Variants in GABRG3 observed in about 807,000 individuals in gnomAD.
GABRG3 encodes gamma-aminobutyric acid receptor subunit gamma-3.
In GABRG3, 25 loss-of-function variants were observed where a neutral mutation model predicts 48.8. The observed-to-expected ratio is 0.51, with a 90% CI of 0.37 to 0.72. The LOEUF is 0.72. Ranked by LOEUF, GABRG3 falls within the 30% of genes least tolerant of loss-of-function variation. GABRG3 has a pLI of 0.00. For missense variants in GABRG3, 394 were observed against 577.9 expected (o/e 0.68, Z 3.26); for synonymous variants, 227 against 217.6 (o/e 1.04, Z -0.38).
intron 3 of GABRG3, among the ~76,000 whole-genome samples, chr15:27,156,256 G>A (rs184256400): frequency 3.1e-4 from 40 of 127,314 alleles, no homozygotes; most frequent in African/African-American, 1.1e-3. Context: ...CCGAGTTCAA[G>A]CCACTGCACT....
At chr15:27,160,253 G>A (rs1199388371) in intron 3 of GABRG3, among the ~76,000 whole-genome samples, 1 of 152,132 alleles carries the variant, frequency 6.6e-6, no homozygotes, top group Non-Finnish European at 1.5e-5. Flanking sequence ...TCCACTGCTT[G>A]TGGGTGAGTT....
In GABRG3 at chr15:27,256,253, T is replaced by C. The variant is rs544385728; in HGVS notation, c.271-70556T>C. Among the ~76,000 whole-genome samples, 450 of 151,620 alleles carry C rather than the reference T, an allele frequency of 3.0e-3. 5 individuals carry two copies. Among genetic ancestry groups the C allele is most frequent in the Admixed American group, 7.9e-3 (121 of 15,224 alleles). ...GTCAGGAGATCAAGACCATCCTGGC[T>C]AACATGGTGAAACCCGTCTCTACTA... On this transcript the variant is annotated intron_variant, in intron 3 of 9. Transcript: ENST00000615808.
chr15:27,383,619 C>A (rs1400942197), intron 5 of GABRG3, among the ~76,000 whole-genome samples: 1 of 151,932 alleles, frequency 6.6e-6, no homozygotes, highest in Non-Finnish European at 1.5e-5. Context: ...TCAACAGTGT[C>A]AAGCCAACCG....
intron 5 of GABRG3, among the ~76,000 whole-genome samples, chr15:27,382,749 C>T (rs547992666): frequency 1.4e-4 from 22 of 151,988 alleles, no homozygotes; most frequent in Non-Finnish European, 2.4e-4. Context: ...TGCTATTTGA[C>T]GAGGGACTGA....
chr15:27,450,087 C>T (rs1172101136), intron 5 of GABRG3, among the ~76,000 whole-genome samples: 9 of 152,100 alleles, frequency 5.9e-5, no homozygotes, highest in Non-Finnish European at 2.9e-5. Context: ...AGAAACTGCC[C>T]GCTCCACAAG....
intron 3 of GABRG3, among the ~76,000 whole-genome samples, chr15:27,310,336 A>G (rs920632824): frequency 1.3e-5 from 2 of 152,166 alleles, no homozygotes; most frequent in African/African-American, 2.4e-5. Context: ...GGAAAAAGTT[A>G]ATGTATGATA....
chr15:27,196,091 A>T (rs1213946457), intron 3 of GABRG3, among the ~76,000 whole-genome samples: 1 of 152,172 alleles, frequency 6.6e-6, no homozygotes, highest in Non-Finnish European at 1.5e-5. Context: ...GCATCCCTTC[A>T]GCCCCACTGA....
chr15:27,193,607 C>A (rs1687717809), intron 3 of GABRG3, among the ~76,000 whole-genome samples: 1 of 152,206 alleles, frequency 6.6e-6, no homozygotes, highest in African/African-American at 2.4e-5. Flanking sequence ...ACCCGATTTT[C>A]CAGGTGCTGT....
At chr15:27,195,794 C>A (rs1370005418) in intron 3 of GABRG3, among the ~76,000 whole-genome samples, 2 of 152,152 alleles carry the variant, frequency 1.3e-5, no homozygotes, top group Non-Finnish European at 2.9e-5. Flanking sequence ...ACCACCATGC[C>A]TGGCTAATTT....
chr15:27,228,849 G>A (rs1264720806), intron 3 of GABRG3, among the ~76,000 whole-genome samples: 3 of 152,120 alleles, frequency 2.0e-5, no homozygotes, highest in Non-Finnish European at 4.4e-5. Flanking sequence ...TTTGTTTGCT[G>A]CATGTATGTC....
At chr15:27,192,277 G>T (rs1888340303) in intron 3 of GABRG3, among the ~76,000 whole-genome samples, 1 of 152,134 alleles carries the variant, frequency 6.6e-6, no homozygotes, top group African/African-American at 2.4e-5. Context: ...GGCCTGCCTT[G>T]CTAGATTGGG....
chr15:27,165,828 T>C (rs1887352555), intron 3 of GABRG3, among the ~76,000 whole-genome samples: 1 of 152,086 alleles, frequency 6.6e-6, no homozygotes, highest in East Asian at 1.9e-4. Context: ...GTCATACCTG[T>C]CGCAAAGGAG....
At chr15:26,997,797 A>G (rs1373437009) in intron 2 of GABRG3, among the ~76,000 whole-genome samples, 1 of 152,198 alleles carries the variant, frequency 6.6e-6, no homozygotes, top group African/African-American at 2.4e-5. Flanking sequence ...ATGTTCAGCT[A>G]GGGACTAGTA....
intron 5 of GABRG3, among the ~76,000 whole-genome samples, chr15:27,407,221 C>T (rs748102004): frequency 6.6e-6 from 1 of 152,076 alleles, no homozygotes; most frequent in Non-Finnish European, 1.5e-5. Context: ...CCACCGCGCT[C>T]GGCTCTAAAG....
At chr15:27,047,013 A>G (rs1229338476) in intron 3 of GABRG3, among the ~76,000 whole-genome samples, 3 of 152,198 alleles carry the variant, frequency 2.0e-5, no homozygotes, top group Non-Finnish European at 2.9e-5. Context: ...ATGGTGAAAG[A>G]CGATGTAAGA....
intron 9 of GABRG3, among the ~76,000 whole-genome samples, chr15:27,529,904 A>AAAAG (rs1290551648): frequency 2.0e-5 from 3 of 151,436 alleles, no homozygotes; most frequent in African/African-American, 7.3e-5. Flanking sequence ...AAAAAAAAAA[A>AAAAG]AGAGAAAGTG....
chr15:27,453,291 CACAT>C (rs1200656374), intron 5 of GABRG3, among the ~76,000 whole-genome samples: 1 of 152,150 alleles, frequency 6.6e-6, no homozygotes, highest in East Asian at 1.9e-4. Context: ...TCCTCACACA[CACAT>C]ACTCACATAC....
chr15:27,038,581 T>C (rs1247570911), intron 3 of GABRG3, among the ~76,000 whole-genome samples: 1 of 152,230 alleles, frequency 6.6e-6, no homozygotes, highest in Non-Finnish European at 1.5e-5. Flanking sequence ...GTGTTAGGGT[T>C]GGCAGAGCCT....
chr15:27,049,541 A>C (rs1896421228), intron 3 of GABRG3, among the ~76,000 whole-genome samples: 1 of 152,190 alleles, frequency 6.6e-6, no homozygotes, highest in African/African-American at 2.4e-5. Context: ...CACACCCAGC[A>C]GGGATGCCAG....
Sources: gnomAD v4.1 joint callset for allele counts (sites outside exome capture counted in the v4.1 genomes callset) on GRCh38, gnomAD v4.1.1 for gene constraint, MANE v1.5 for transcripts, NCBI Gene and HGNC (gene_info 2026-07-23, HGNC 2026-07-21) for gene names.